PARD3B: variants seen among roughly 807,000 people sequenced by gnomAD.
PARD3B encodes the protein partitioning defective 3 homolog B.
A neutral mutation model predicts 130.2 loss-of-function variants in PARD3B; 103 were observed. That is an observed-to-expected ratio of 0.79 (90% CI 0.67 to 0.93). PARD3B has a LOEUF of 0.93. PARD3B is among the 40% of genes least tolerant of loss of function. The probability of loss-of-function intolerance (pLI) is 0.00; values close to 1 mark genes in which losing one functional copy is unlikely to be tolerated. For missense variants in PARD3B, 1,609 were observed against 1,499.2 expected (o/e 1.07, Z -1.21); for synonymous variants, 583 against 553.2 (o/e 1.05, Z -0.76).
chr2:205,421,995 G>A lies in PARD3B; in HGVS notation c.2742-18375G>A, dbSNP rs568556681. On this transcript the variant is annotated intron_variant, in intron 19 of 22. Coordinates refer to ENST00000406610, the MANE Select transcript of PARD3B (RefSeq NM_001302769.2). This position sits in a 1 kb window ranked among gnomAD's most constrained non-coding sequence, Gnocchi z 5.1. ...GCTAGATATTGGAGTTCTATCAATAGACAAGTCAAACAAGGACGCTGCTTC... is the reference window on the plus strand; with the variant it reads ...GCTAGATATTGGAGTTCTATCAATAAACAAGTCAAACAAGGACGCTGCTTC... 1.3e-5 allele frequency among the ~76,000 whole-genome samples: 2 copies of A among 152,240 alleles called. No individual in the cohort carries two copies. Among genetic ancestry groups the A allele is most frequent in the South Asian group, 4.1e-4 (2 of 4,822 alleles).
At chr2:204,702,858 G>A (rs189676129) in intron 2 of PARD3B, among the ~76,000 whole-genome samples, 137 of 152,262 alleles carry the variant, frequency 9.0e-4, no homozygotes, top group African/African-American at 2.9e-3. Flanking sequence ...TTACAGGCGT[G>A]AGCCACCATG....
At chr2:204,785,921 G>A (rs2041993477) in intron 2 of PARD3B, among the ~76,000 whole-genome samples, 2 of 151,990 alleles carry the variant, frequency 1.3e-5, no homozygotes, top group Admixed American at 1.3e-4. Flanking sequence ...AGGCCAGCCT[G>A]GCCAACATGG....
At chr2:205,285,316 T>C (rs1559621948) in intron 16 of PARD3B, among the ~76,000 whole-genome samples, 1 of 152,160 alleles carries the variant, frequency 6.6e-6, no homozygotes, top group Non-Finnish European at 1.5e-5. Flanking sequence ...GTTGTTGTTC[T>C]GCCAGAGCAA....
chr2:204,780,764 C>A (rs2041807689), intron 2 of PARD3B, among the ~76,000 whole-genome samples: 1 of 151,660 alleles, frequency 6.6e-6, no homozygotes. Flanking sequence ...CCAGTATTGA[C>A]AATGTGAAGT....
In PARD3B at chr2:204,789,905, C is replaced by T. The variant is rs899211620; in HGVS notation, c.222+103623C>T. Among the ~76,000 whole-genome samples, 298 of 147,874 alleles carry T rather than the reference C, an allele frequency of 2.0e-3. 1 individual carries two copies. The highest frequency in any genetic ancestry group is 7.1e-3 in the African/African-American group (283 of 39,642). On this transcript the variant is annotated intron_variant, in intron 2 of 22. Transcript: ENST00000406610. ...TTTTTTTTTAAGACAGAGTCTTGCT[C>T]TGTCACCCAGGCTGGAGTGCAGTGG...
At chr2:204,706,382 AAAAG>A (rs1173987099) in intron 2 of PARD3B, among the ~76,000 whole-genome samples, 19 of 151,704 alleles carry the variant, frequency 1.3e-4, no homozygotes, top group African/African-American at 4.6e-4. Context: ...AAAAAAAAGA[AAAAG>A]AAAAAGAAAA....
At chr2:205,045,765 A>G (rs1698732080) in intron 3 of PARD3B, among the ~76,000 whole-genome samples, 1 of 151,400 alleles carries the variant, frequency 6.6e-6, no homozygotes. Flanking sequence ...CTCTCTCTCC[A>G]TATATACACA....
chr2:205,392,220 A>G (rs1472112302), intron 18 of PARD3B, among the ~76,000 whole-genome samples: 1 of 152,176 alleles, frequency 6.6e-6, no homozygotes, highest in Non-Finnish European at 1.5e-5. Context: ...TGTTTTATCC[A>G]CTTAGAAGTT....
intron 2 of PARD3B, among the ~76,000 whole-genome samples, chr2:204,861,986 A>C (rs1222692713): frequency 6.6e-6 from 1 of 151,582 alleles, no homozygotes; most frequent in Non-Finnish European, 1.5e-5. Context: ...TAAAGGGCAA[A>C]TATTAATTTT....
intron 2 of PARD3B, among the ~76,000 whole-genome samples, chr2:204,817,946 C>T (rs1236453856): frequency 6.6e-6 from 1 of 151,998 alleles, no homozygotes; most frequent in Non-Finnish European, 1.5e-5. Flanking sequence ...GATTAAATAT[C>T]TGGTCTCTTC....
rs950396407 is a variant in PARD3B at position 205,300,430 on chromosome 2, C to T, written c.2186-100C>T. 2 of 1,134,988 alleles carry T rather than the reference C, an allele frequency of 1.8e-6. No individual in the cohort carries two copies. The highest frequency in any genetic ancestry group is 3.1e-5 in the African/African-American group (2 of 64,836). The allele number at this position is 1,134,988 out of a possible 1,614,324, so 70.3% of individuals were successfully genotyped here. A position where few individuals can be genotyped will look rare whatever the true frequency, so the allele number is the denominator to read the frequency against. ...CCCCAACTCCCACCCACTTAACACC[C>T]CTTTTTTGGGATGTCCAGACAGAAA... On this transcript the variant is annotated intron_variant, in intron 16 of 22. Coordinates refer to ENST00000406610, the MANE Select transcript of PARD3B (RefSeq NM_001302769.2). This position sits in a 1 kb window ranked among gnomAD's most constrained non-coding sequence, Gnocchi z 4.1.
intron 1 of PARD3B, among the ~76,000 whole-genome samples, chr2:204,554,078 A>G (rs2030741370): frequency 6.6e-6 from 1 of 152,066 alleles, no homozygotes; most frequent in African/African-American, 2.4e-5. Flanking sequence ...TCTTAAGCAC[A>G]TGCTTCCTGG....
At chr2:204,657,413 A>C (rs1242758406) in intron 1 of PARD3B, among the ~76,000 whole-genome samples, 1 of 152,128 alleles carries the variant, frequency 6.6e-6, no homozygotes, top group Admixed American at 6.5e-5. Flanking sequence ...GACTGAGGTC[A>C]AAGGATTACT....
intron 2 of PARD3B, among the ~76,000 whole-genome samples, chr2:204,705,901 A>G (rs1287809505): frequency 1.3e-5 from 2 of 152,160 alleles, no homozygotes; most frequent in African/African-American, 4.8e-5. Context: ...TCTGCAACTG[A>G]TACTATGCGG....
In PARD3B at chr2:205,095,266, G is replaced by T. The variant is rs964000615; in HGVS notation, c.505-9160G>T. Among the ~76,000 whole-genome samples the T allele has an allele frequency of 3.3e-5, 5 of 152,106 alleles. 1 individual carries two copies. The highest frequency in any genetic ancestry group is 2.6e-4 in the Admixed American group (4 of 15,256). ...ATTAGCTATAACTGAATGTGGGAAAGAATCCAATTATAAATAGAAATTATG... is the reference window on the plus strand; with the variant it reads ...ATTAGCTATAACTGAATGTGGGAAATAATCCAATTATAAATAGAAATTATG... On this transcript the variant is annotated intron_variant, in intron 4 of 22. Transcript: ENST00000406610.
chr2:204,548,281 T>C (rs1433844047), intron 1 of PARD3B, among the ~76,000 whole-genome samples: 1 of 152,226 alleles, frequency 6.6e-6, no homozygotes, highest in Non-Finnish European at 1.5e-5. Flanking sequence ...GTAAATTCAC[T>C]TTCTGTAAAT....
chr2:205,469,162 A>G (rs992184630), intron 20 of PARD3B, among the ~76,000 whole-genome samples: 1 of 152,146 alleles, frequency 6.6e-6, no homozygotes, highest in East Asian at 1.9e-4. Context: ...CAATCCTGGC[A>G]TAGTTCCTAA....
intron 2 of PARD3B, among the ~76,000 whole-genome samples, chr2:204,716,128 A>G (rs979218108): frequency 2.0e-4 from 30 of 152,224 alleles, no homozygotes; most frequent in African/African-American, 6.3e-4. Context: ...TAGAAGTTCA[A>G]TAAATGCTTA....
chr2:205,310,687 G>T, intron 18 of PARD3B, among the ~76,000 whole-genome samples: 1 of 146,152 alleles, frequency 6.8e-6, no homozygotes, highest in Non-Finnish European at 1.5e-5. Flanking sequence ...TTTAATGGCT[G>T]AAATAGTATT....
Sources: allele counts gnomAD v4.1 joint callset (sites outside exome capture counted in the v4.1 genomes callset), GRCh38; gene constraint gnomAD v4.1.1; non-coding constraint Gnocchi (gnomAD v3.1); transcripts MANE v1.5; gene names NCBI Gene and HGNC (gene_info 2026-07-23, HGNC 2026-07-21).